TPD52: variants seen among roughly 807,000 people sequenced by gnomAD.
TPD52 encodes prostate and colon associated protein.
A neutral mutation model predicts 31.3 loss-of-function variants in TPD52; 17 were observed. The ratio of observed to expected loss-of-function variants is 0.54; its 90% CI spans 0.37 to 0.82. The LOEUF is 0.82. Ranked by LOEUF, TPD52 falls within the 40% of genes least tolerant of loss-of-function variation. The probability of loss-of-function intolerance (pLI) is 0.00; values close to 1 mark genes in which losing one functional copy is unlikely to be tolerated. For synonymous variants in TPD52, 83 were observed against 89.6 expected, an observed-to-expected ratio of 0.93 and a Z score of 0.42; for missense variants, 212 against 240.1, an observed-to-expected ratio of 0.88 and a Z score of 0.77.
chr8:80,170,685 C>T (rs1362146891), intron 1 of TPD52, among the ~76,000 whole-genome samples: 1 of 152,176 alleles, frequency 6.6e-6, no homozygotes, highest in Non-Finnish European at 1.5e-5. Context: ...TTATGATCAG[C>T]AGAGATCTCT....
chr8:80,038,047 T>A lies in TPD52; in HGVS notation c.*69A>T, dbSNP rs1810030084. ...TCTGGTAGAAATTCATGGCAATGCA[T>A]GTTGACAAGATGTGCTTGGACCTCG... On this transcript the variant is annotated 3_prime_UTR_variant, in exon 8 of 8. Coordinates refer to ENST00000518937, the MANE Select transcript of TPD52 (RefSeq NM_001025253.3). 6.3e-7 allele frequency: 1 copy of A among 1,575,290 alleles called. No homozygotes were observed. Among genetic ancestry groups the A allele is most frequent in the South Asian group, 1.1e-5 (1 of 87,906 alleles).
At chr8:80,140,317 T>G (rs1809742085) in intron 1 of TPD52, among the ~76,000 whole-genome samples, 1 of 152,228 alleles carries the variant, frequency 6.6e-6, no homozygotes, top group Non-Finnish European at 1.5e-5. Context: ...GGTAAAATTC[T>G]AATTACTCCA....
chr8:80,126,951 A>AT (rs1447322746), intron 1 of TPD52, among the ~76,000 whole-genome samples: 1 of 152,052 alleles, frequency 6.6e-6, no homozygotes, highest in South Asian at 2.1e-4. Context: ...CTACAAAAAA[A>AT]TTTTTTAAAC....
At chr8:80,147,928 C>T (rs541281938) in intron 1 of TPD52, among the ~76,000 whole-genome samples, 1 of 152,108 alleles carries the variant, frequency 6.6e-6, no homozygotes, top group Admixed American at 6.5e-5. Flanking sequence ...ACTGCCAATG[C>T]TTGTAAAGAT....
At chr8:80,041,547 A>G (rs78640990) in intron 7 of TPD52, among the ~76,000 whole-genome samples, 2,472 of 152,310 alleles carry the variant, frequency 0.016, 75 homozygotes, top group African/African-American at 0.056. Flanking sequence ...GTCGAGGAAT[A>G]GATGGGAACT....
chr8:80,043,321 C>G (rs947584936), intron 6 of TPD52, among the ~76,000 whole-genome samples: 1 of 152,136 alleles, frequency 6.6e-6, no homozygotes, highest in African/African-American at 2.4e-5. Context: ...TAAGGAGGAT[C>G]ATAGCGCCTT....
chr8:80,137,028 A>C (rs950294155), intron 1 of TPD52, among the ~76,000 whole-genome samples: 10 of 152,220 alleles, frequency 6.6e-5, no homozygotes, highest in Non-Finnish European at 1.2e-4. Flanking sequence ...AATCTTTTCC[A>C]ATTTTTTTTA....
At chr8:80,088,310 C>T (rs1815977419) in intron 1 of TPD52, among the ~76,000 whole-genome samples, 1 of 152,164 alleles carries the variant, frequency 6.6e-6, no homozygotes, top group Non-Finnish European at 1.5e-5. Flanking sequence ...TGGAAGAACT[C>T]GAATGGAGGC....
chr8:80,076,779 CT>C (rs1334251139), intron 1 of TPD52, among the ~76,000 whole-genome samples: 1 of 152,056 alleles, frequency 6.6e-6, no homozygotes, highest in Non-Finnish European at 1.5e-5. Context: ...TCAAGTAATC[CT>C]CCTACCTCAG....
rs57456374 is a variant in TPD52 at position 80,152,780 on chromosome 8, C to CAAAAAAA, written c.19+18638_19+18644dup. On this transcript the variant is annotated intron_variant, in intron 1 of 7. Transcript: ENST00000518937. ...TGGGCGAAAGTGTGAGACTCCGTCT[C>CAAAAAAA]AAAAAAAAAAAAAAAAAATGCCAGG... Among the ~76,000 whole-genome samples the CAAAAAAA allele has an allele frequency of 4.4e-4, 37 of 83,530 alleles. 2 individuals are homozygous for CAAAAAAA. The highest frequency in any genetic ancestry group is 6.1e-4 in the Non-Finnish European group (28 of 45,728). 54.8% of individuals were successfully genotyped at this position (83,530 alleles called of 152,430 possible).
At chr8:80,106,711 T>C (rs1385120711) in intron 1 of TPD52, among the ~76,000 whole-genome samples, 3 of 149,082 alleles carry the variant, frequency 2.0e-5, no homozygotes, top group Admixed American at 6.7e-5. Flanking sequence ...AGTAAACTCA[T>C]GTGGATAGGA....
In TPD52 at chr8:80,062,868, C is replaced by T. The variant is rs376125910; in HGVS notation, c.135+1610G>A. 2.6e-5 allele frequency among the ~76,000 whole-genome samples: 4 copies of T among 152,198 alleles called. No homozygotes were observed. In the East Asian group the frequency reaches 5.8e-4, roughly 22 times the overall value. ...CCTGGAGTCCCAGCTACTCAGGAGGCTGAGGCAGGAGGATTGCTTGGCCCA... is the reference window on the plus strand; with the variant it reads ...CCTGGAGTCCCAGCTACTCAGGAGGTTGAGGCAGGAGGATTGCTTGGCCCA... On this transcript the variant is annotated intron_variant, in intron 2 of 7. Coordinates refer to ENST00000518937, the MANE Select transcript of TPD52 (RefSeq NM_001025253.3).
At chr8:80,089,589 A>G (rs1360040840) in intron 1 of TPD52, among the ~76,000 whole-genome samples, 1 of 152,208 alleles carries the variant, frequency 6.6e-6, no homozygotes, top group Admixed American at 6.5e-5. Context: ...TATGAAAAGG[A>G]GTGGAAAAAT....
chr8:80,031,619 AG>A (rs1292936703), downstream of TPD52, among the ~76,000 whole-genome samples: 1 of 152,044 alleles, frequency 6.6e-6, no homozygotes, highest in East Asian at 1.9e-4. Flanking sequence ...GCACTTTGTG[AG>A]GTTGAGGAGG....
Position 80,072,632 on chromosome 8 carries a change from C to CGTGTATATACATGTACACAGATATGT in TPD52, c.20-8065_20-8040dup, listed in dbSNP as rs1586227313. 2.0e-5 allele frequency among the ~76,000 whole-genome samples: 2 copies of CGTGTATATACATGTACACAGATATGT among 98,264 alleles called. 1 individual carries two copies. The highest frequency in any genetic ancestry group is 3.6e-5 in the Non-Finnish European group (2 of 54,808). The allele number at this position is 98,264 out of a possible 152,430, so 64.5% of individuals were successfully genotyped here. A position where few individuals can be genotyped will look rare whatever the true frequency, so the allele number is the denominator to read the frequency against. On this transcript the variant is annotated intron_variant, in intron 1 of 7. Transcript: ENST00000518937. ...GTATATACATGTACACATAGATATG[C>CGTGTATATACATGTACACAGATATGT]GTGTATATACATGTACACAGATATG...
chr8:80,167,161 A>G (rs1159633248), intron 1 of TPD52, among the ~76,000 whole-genome samples: 2 of 152,202 alleles, frequency 1.3e-5, no homozygotes, highest in East Asian at 3.8e-4. Flanking sequence ...ATAAAAATAC[A>G]TGGCTAAAAT....
chr8:80,086,805 C>T lies in TPD52; in HGVS notation c.20-22212G>A, dbSNP rs559985180. ...ACAAGAATTGCTTGAACCCGGGAAG[C>T]GGAGATTGCAGTGAGCTGAGATCGT... is the stretch of plus-strand genomic sequence containing the variant. On this transcript the variant is annotated intron_variant, in intron 1 of 7. Coordinates refer to ENST00000518937, the MANE Select transcript of TPD52 (RefSeq NM_001025253.3). 3.1e-5 allele frequency among the ~76,000 whole-genome samples: 4 copies of T among 127,950 alleles called. No individual in the cohort carries two copies. The East Asian group carries it at 7.5e-4, about 24-fold the overall frequency. The allele number at this position is 127,950 out of a possible 152,430, so 83.9% of individuals were successfully genotyped here.
intron 1 of TPD52, among the ~76,000 whole-genome samples, chr8:80,147,848 A>G (rs1810306901): frequency 6.6e-6 from 1 of 151,928 alleles, no homozygotes; most frequent in Admixed American, 6.6e-5. Flanking sequence ...GCACACACAC[A>G]CACACACCCC....
At chr8:80,162,795 G>C (rs1009509993) in intron 1 of TPD52, among the ~76,000 whole-genome samples, 8 of 151,020 alleles carry the variant, frequency 5.3e-5, no homozygotes, top group African/African-American at 1.9e-4. Context: ...TGGCACAATG[G>C]CTCAACCTGT....
Sources: gnomAD v4.1 joint callset for allele counts (sites outside exome capture counted in the v4.1 genomes callset) on GRCh38, gnomAD v4.1.1 for gene constraint, MANE v1.5 for transcripts, NCBI Gene and HGNC (gene_info 2026-07-23, HGNC 2026-07-21) for gene names.